MEIKIN: variants seen among roughly 807,000 people sequenced by gnomAD.
MEIKIN encodes meiotic kinetochore factor.
chr5:131,859,038 G>A (rs1307118400), intron 9 of MEIKIN, among the ~76,000 whole-genome samples: 4 of 152,126 alleles, frequency 2.6e-5, no homozygotes, highest in African/African-American at 4.8e-5. Context: ...AGAACTCAAC[G>A]CAGAACTACC....
At chr5:131,846,090 T>C (rs1301484778) in intron 11 of MEIKIN, among the ~76,000 whole-genome samples, 3 of 152,158 alleles carry the variant, frequency 2.0e-5, no homozygotes, top group African/African-American at 7.2e-5. Context: ...TTGTCAGAAA[T>C]GTTGGCTACC....
intron 8 of MEIKIN, among the ~76,000 whole-genome samples, chr5:131,895,742 T>C (rs1455693697): frequency 1.3e-5 from 2 of 152,238 alleles, no homozygotes; most frequent in Non-Finnish European, 2.9e-5. Context: ...ATCCCCTTTA[T>C]CATTTTTTAT....
chr5:131,860,120 T>C (rs924401672), intron 9 of MEIKIN, among the ~76,000 whole-genome samples: 2 of 152,212 alleles, frequency 1.3e-5, no homozygotes, highest in African/African-American at 4.8e-5. Context: ...GAGATTGCAC[T>C]GAATCTATAG....
chr5:131,924,318 T>C (rs1751554908), intron 5 of MEIKIN, among the ~76,000 whole-genome samples: 1 of 152,180 alleles, frequency 6.6e-6, no homozygotes, highest in Non-Finnish European at 1.5e-5. Context: ...GAGATCCTGA[T>C]TTTAATTATT....
intron 11 of MEIKIN, among the ~76,000 whole-genome samples, chr5:131,823,823 T>C (rs890263757): frequency 6.6e-6 from 1 of 152,180 alleles, no homozygotes; most frequent in African/African-American, 2.4e-5. Context: ...TTTATGCCTG[T>C]CCTTCTTGGG....
chr5:131,872,088 C>A (rs1249303735), intron 9 of MEIKIN, among the ~76,000 whole-genome samples: 2 of 152,160 alleles, frequency 1.3e-5, no homozygotes, highest in African/African-American at 4.8e-5. Context: ...AAAATCAGAG[C>A]ACCTCTCCTC....
intron 9 of MEIKIN, among the ~76,000 whole-genome samples, chr5:131,877,814 T>C (rs1044049982): frequency 1.3e-5 from 2 of 152,242 alleles, no homozygotes; most frequent in African/African-American, 4.8e-5. Flanking sequence ...ACAGTTTCAG[T>C]TACCTGTGGT....
chr5:131,825,920 A>G (rs890253320), intron 11 of MEIKIN, among the ~76,000 whole-genome samples: 4 of 152,216 alleles, frequency 2.6e-5, no homozygotes, highest in African/African-American at 9.7e-5. Flanking sequence ...GAATGATACC[A>G]TCAAAGAGCA....
intron 5 of MEIKIN, among the ~76,000 whole-genome samples, chr5:131,928,017 G>A (rs546713653): frequency 2.1e-3 from 323 of 151,822 alleles, no homozygotes; most frequent in African/African-American, 7.2e-3. Context: ...GGTGGCGCGC[G>A]CCTGTAGTCC....
chr5:131,896,400 T>G (rs1233021466), intron 8 of MEIKIN, among the ~76,000 whole-genome samples: 2 of 152,178 alleles, frequency 1.3e-5, no homozygotes, highest in Non-Finnish European at 2.9e-5. Context: ...GGCTGTTAGG[T>G]CTGCTTGGTG....
intron 1 of MEIKIN, 27 bp from the exon 2 acceptor site, chr5:131,945,276 C>T (rs968537032): frequency 3.3e-5 from 13 of 398,990 alleles, no homozygotes; most frequent in African/African-American, 1.0e-4. Context: ...CGTTTCAGGG[C>T]AAGAAACCTA....
At chr5:131,871,253 A>C (rs995872571) in intron 9 of MEIKIN, among the ~76,000 whole-genome samples, 11 of 152,210 alleles carry the variant, frequency 7.2e-5, no homozygotes, top group Non-Finnish European at 1.6e-4. Context: ...TTCCTAGTCA[A>C]AGAAAGGGGT....
intron 11 of MEIKIN, among the ~76,000 whole-genome samples, chr5:131,820,769 A>C (rs6861732): frequency 0.78 from 118,175 of 152,088 alleles, 46,094 homozygotes; most frequent in Middle Eastern, 0.83. Flanking sequence ...GAAATTTATC[A>C]ATTTCTTCTA....
At chr5:131,829,067 A>G (rs1749666603) in intron 11 of MEIKIN, among the ~76,000 whole-genome samples, 1 of 152,230 alleles carries the variant, frequency 6.6e-6, no homozygotes, top group African/African-American at 2.4e-5. Context: ...ATATCAGAAT[A>G]CAAGGGACAA....
chr5:131,882,831 T>C (rs1183891506), intron 8 of MEIKIN, among the ~76,000 whole-genome samples: 1 of 152,106 alleles, frequency 6.6e-6, no homozygotes, highest in East Asian at 1.9e-4. Flanking sequence ...TCCCATCTCA[T>C]GGTTTTTTCA....
intron 6 of MEIKIN, among the ~76,000 whole-genome samples, chr5:131,917,550 T>G: frequency 8.0e-6 from 1 of 124,986 alleles, no homozygotes; most frequent in Admixed American, 9.4e-5. Context: ...TGGGCAAGAG[T>G]GATACTCCAT....
At chr5:131,891,078 G>C (rs1286818904) in intron 8 of MEIKIN, among the ~76,000 whole-genome samples, 1 of 152,204 alleles carries the variant, frequency 6.6e-6, no homozygotes, top group Non-Finnish European at 1.5e-5. Flanking sequence ...TGTGGTCTGA[G>C]AGACAGTTTG....
Position 131,873,059 on chromosome 5 carries a change from G to C in MEIKIN, c.774+5919C>G, listed in dbSNP as rs569557886. On this transcript the variant is annotated intron_variant, in intron 9 of 12. Coordinates refer to ENST00000442687, the MANE Select transcript of MEIKIN (RefSeq NM_001303622.2). The stretch of plus-strand genomic sequence containing the variant: ...CTGCAAAAACATGCCAAATTGTAAA[G>C]ACCATCAAGGCTAGGAAGAAACTGC... Among the ~76,000 whole-genome samples the C allele has an allele frequency of 4.8e-3, 724 of 152,288 alleles. 4 individuals are homozygous for C. The highest frequency in any genetic ancestry group is 0.017 in the African/African-American group (688 of 41,562).
chr5:131,845,495 A>G (rs1750003042), intron 11 of MEIKIN, among the ~76,000 whole-genome samples: 1 of 151,800 alleles, frequency 6.6e-6, no homozygotes, highest in Admixed American at 6.6e-5. Flanking sequence ...CAAAAACTTT[A>G]AAACAATTCT....
Sources: allele counts gnomAD v4.1 joint callset (sites outside exome capture counted in the v4.1 genomes callset), GRCh38; gene constraint gnomAD v4.1.1; transcripts MANE v1.5; gene names NCBI Gene and HGNC (gene_info 2026-07-23, HGNC 2026-07-21).